The following EXOC6B variants were observed in gnomAD, a reference collection of about 807,000 sequenced individuals.
EXOC6B encodes exocyst complex component 6B, also known as SEC15 homolog B.
A neutral mutation model predicts 113.5 loss-of-function variants in EXOC6B; 54 were observed. The ratio of observed to expected loss-of-function variants is 0.48; its 90% confidence interval spans 0.38 to 0.60. The LOEUF (loss-of-function observed/expected upper bound fraction) is 0.60, where lower values mean the gene tolerates loss of function less well. Ranked by LOEUF, EXOC6B falls within the 20% of genes least tolerant of loss-of-function variation. EXOC6B has a pLI of 0.00. For missense variants in EXOC6B, 797 were observed against 977.5 expected (o/e 0.82, Z 2.46); for synonymous variants, 357 against 339.0 (o/e 1.05, Z -0.58).
chr2:72,817,768 A>T (rs1287425512), intron 1 of EXOC6B, among the ~76,000 whole-genome samples: 1 of 152,184 alleles, frequency 6.6e-6, no homozygotes, highest in Non-Finnish European at 1.5e-5. Context: ...TTTAATTCCC[A>T]TAACTAATCC....
chr2:72,798,363 G>GA lies in EXOC6B; in HGVS notation c.113+27434dup, dbSNP rs397968802. Among the ~76,000 whole-genome samples the GA allele has an allele frequency of 9.3e-4, 134 of 143,454 alleles. 1 individual carries two copies. The highest frequency in any genetic ancestry group is 5.4e-3 in the East Asian group (27 of 4,968). 94.1% of individuals were successfully genotyped at this position (143,454 alleles called of 152,430 possible). ...TAGTCACCTTAACCAAATTCTAATT[G>GA]AAAAAAAAAAGGCATACAAAATTTG... On this transcript the variant is annotated intron_variant, in intron 1 of 21. Transcript: ENST00000272427.
At chr2:72,541,169 T>A (rs575688338) in intron 8 of EXOC6B, among the ~76,000 whole-genome samples, 2 of 152,300 alleles carry the variant, frequency 1.3e-5, no homozygotes, top group Admixed American at 1.3e-4. Flanking sequence ...TATCAAGGGT[T>A]TCCACTTTTG....
intron 18 of EXOC6B, among the ~76,000 whole-genome samples, chr2:72,409,633 C>T (rs545857795): frequency 4.0e-5 from 6 of 150,864 alleles, no homozygotes; most frequent in South Asian, 2.1e-4. Flanking sequence ...AACCAAACAC[C>T]GCATGTTCTC....
chr2:72,287,824 A>G (rs1419231181), intron 20 of EXOC6B, among the ~76,000 whole-genome samples: 1 of 152,180 alleles, frequency 6.6e-6, no homozygotes, highest in Admixed American at 6.5e-5. Context: ...CCATAAAGAA[A>G]TTTCCTGGTC....
In EXOC6B at chr2:72,631,424, GTGTA is replaced by G. The variant is rs1244653497; in HGVS notation, c.670-55760_670-55757del. Among the ~76,000 whole-genome samples, 71 of 22,374 alleles carry G rather than the reference GTGTA, an allele frequency of 3.2e-3. 4 individuals are homozygous for G. The highest frequency in any genetic ancestry group is 0.017 in the South Asian group (10 of 582). 14.7% of individuals were successfully genotyped at this position (22,374 alleles called of 152,430 possible). Reference sequence around the variant, plus strand: ...TGTGTATATGTGTGTGTGTGTGTGTGTGTATATATATATATATATATATATATAT... The same window carrying G: ...TGTGTATATGTGTGTGTGTGTGTGTGTATATATATATATATATATATATAT... On this transcript the variant is annotated intron_variant, in intron 6 of 21. Coordinates refer to ENST00000272427, the MANE Select transcript of EXOC6B (RefSeq NM_015189.3).
At chr2:72,605,310 GA>G in intron 6 of EXOC6B, among the ~76,000 whole-genome samples, 1 of 147,912 alleles carries the variant, frequency 6.8e-6, no homozygotes. Flanking sequence ...AAAAAAAAAA[GA>G]AAAAGAATCT....
At chr2:72,345,097 A>T (rs1445010909) in intron 19 of EXOC6B, among the ~76,000 whole-genome samples, 4 of 152,046 alleles carry the variant, frequency 2.6e-5, no homozygotes, top group African/African-American at 9.7e-5. Flanking sequence ...GGGGTTGAGG[A>T]TGGGTAGCTA....
intron 6 of EXOC6B, among the ~76,000 whole-genome samples, chr2:72,613,241 CATAATCATCCTTTAAATGT>C (rs1419928144): frequency 6.6e-6 from 1 of 151,988 alleles, no homozygotes; most frequent in African/African-American, 2.4e-5. Context: ...CAAACAGGGT[CATAATCATCCTTTAAATGT>C]TTGTAAACTA....
chr2:72,246,520 T>G (rs1450557167), intron 20 of EXOC6B, among the ~76,000 whole-genome samples: 2 of 151,672 alleles, frequency 1.3e-5, no homozygotes, highest in Non-Finnish European at 2.9e-5. Context: ...TTTTTTTTTT[T>G]TTTTTGAGAC....
chr2:72,547,549 G>A (rs1231780351), intron 8 of EXOC6B, among the ~76,000 whole-genome samples: 2 of 152,110 alleles, frequency 1.3e-5, no homozygotes, highest in Non-Finnish European at 2.9e-5. Flanking sequence ...TTATAGGTTT[G>A]CCCCTCTAGT....
intron 19 of EXOC6B, among the ~76,000 whole-genome samples, chr2:72,371,004 T>A (rs536114747): frequency 1.3e-3 from 193 of 150,320 alleles, no homozygotes; most frequent in African/African-American, 4.2e-3. Context: ...ATAATAAAAA[T>A]ATATATATAT....
At chr2:72,611,685 C>T (rs1423757028) in intron 6 of EXOC6B, among the ~76,000 whole-genome samples, 1 of 151,882 alleles carries the variant, frequency 6.6e-6, no homozygotes, top group Non-Finnish European at 1.5e-5. Context: ...AATTTCTTCC[C>T]CCAAATCATA....
chr2:72,578,080 CT>C (rs1293227517), intron 6 of EXOC6B, among the ~76,000 whole-genome samples: 2 of 152,062 alleles, frequency 1.3e-5, no homozygotes, highest in Admixed American at 1.3e-4. Flanking sequence ...TCAAATCACT[CT>C]TTCTACTCTC....
chr2:72,217,294 G>T (rs1340678281), intron 20 of EXOC6B, among the ~76,000 whole-genome samples: 1 of 152,014 alleles, frequency 6.6e-6, no homozygotes, highest in East Asian at 1.9e-4. Flanking sequence ...CTCCCTCTTA[G>T]CTACTTTCTC....
chr2:72,443,044 A>G (rs1274004433), intron 18 of EXOC6B, among the ~76,000 whole-genome samples: 1 of 152,116 alleles, frequency 6.6e-6, no homozygotes, highest in Non-Finnish European at 1.5e-5. Flanking sequence ...AAAGACACAT[A>G]GGCAGGGCGC....
At chr2:72,753,243 G>T (rs530208247) in intron 1 of EXOC6B, among the ~76,000 whole-genome samples, 1 of 35,516 alleles carries the variant, frequency 2.8e-5, no homozygotes, top group Admixed American at 3.5e-4. Flanking sequence ...CATGTCTCTT[G>T]AATTAAAAAA....
At chr2:72,570,987 CACA>C (rs957197028) in intron 7 of EXOC6B, among the ~76,000 whole-genome samples, 16 of 152,158 alleles carry the variant, frequency 1.1e-4, no homozygotes, top group African/African-American at 3.6e-4. Flanking sequence ...ATTCAATCCT[CACA>C]ACAAGCCTAT....
intron 6 of EXOC6B, among the ~76,000 whole-genome samples, chr2:72,712,012 C>A (rs1177214865): frequency 6.6e-6 from 1 of 152,132 alleles, no homozygotes; most frequent in Non-Finnish European, 1.5e-5. Flanking sequence ...GACTACTGTA[C>A]AGTACTAACA....
chr2:72,721,432 T>TAAA (rs1491520781), intron 5 of EXOC6B, among the ~76,000 whole-genome samples: 1 of 19,714 alleles, frequency 5.1e-5, no homozygotes. Flanking sequence ...GGCCAACATA[T>TAAA]GAAAAAAAAA....
Sources: allele counts gnomAD v4.1 joint callset (sites outside exome capture counted in the v4.1 genomes callset), GRCh38; gene constraint gnomAD v4.1.1; transcripts MANE v1.5; gene names NCBI Gene and HGNC (gene_info 2026-07-23, HGNC 2026-07-21).